Variants in CNBD1 observed in about 807,000 individuals in gnomAD.
CNBD1 encodes cyclic nucleotide-binding domain-containing protein 1.
In CNBD1, 71 loss-of-function variants were observed where a neutral mutation model predicts 54.4. The observed-to-expected ratio is 1.30, with a 90% CI of 1.08 to 1.59. The LOEUF is 1.59. Ranked by LOEUF, CNBD1 falls within the 40% of genes most tolerant of loss-of-function variation. The pLI, the probability that CNBD1 is intolerant of heterozygous loss-of-function variation, is 0.00. For missense variants in CNBD1, 659 were observed against 518.0 expected, an observed-to-expected ratio of 1.27 and a Z score of -2.64; for synonymous variants, 182 against 170.7, an observed-to-expected ratio of 1.07 and a Z score of -0.51.
chr8:87,328,522 A>G (rs769514249), intron 8 of CNBD1, among the ~76,000 whole-genome samples: 7 of 151,746 alleles, frequency 4.6e-5, no homozygotes, highest in South Asian at 2.1e-4. Context: ...TAGTTCTCCA[A>G]TATGTTTTGA....
intron 4 of CNBD1, among the ~76,000 whole-genome samples, chr8:87,050,524 C>T (rs1810289969): frequency 6.6e-6 from 1 of 152,188 alleles, no homozygotes; most frequent in Admixed American, 6.5e-5. Context: ...CAAGTGAGGG[C>T]TGTCTCAGAA....
chr8:87,353,753 G>C lies in CNBD1; in HGVS notation c.1270G>C (p.Glu424Gln). ...CACAATCATTACCAAAAAAGAAGTT[G>C]AGATGGCAATCATTGAAGATAAGGA... ...TCTIITKKEV[E>Q]MAIIEDKDLF... The change falls in exon 10 of 11, where the codon GAG becomes CAG. Residue 424 changes from glutamate (E) to glutamine (Q), a missense_variant. Transcript: ENST00000518476. 6.2e-7 allele frequency: 1 copy of C among 1,610,420 alleles called. No homozygotes were observed. Among genetic ancestry groups the C allele is most frequent in the Non-Finnish European group, 8.5e-7 (1 of 1,178,344 alleles).
downstream of CNBD1, among the ~76,000 whole-genome samples, chr8:87,385,500 C>A (rs1811164515): frequency 6.6e-6 from 1 of 152,196 alleles, no homozygotes; most frequent in Non-Finnish European, 1.5e-5. Context: ...GGTCCTACGC[C>A]CACGGATCCT....
At chr8:87,143,099 G>C (rs16892261) in intron 4 of CNBD1, among the ~76,000 whole-genome samples, 1 of 151,990 alleles carries the variant, frequency 6.6e-6, no homozygotes, top group African/African-American at 2.4e-5. Context: ...CTTTTACTTG[G>C]CCTTTGCACC....
chr8:86,902,312 A>G (rs1808951145), intron 2 of CNBD1, among the ~76,000 whole-genome samples: 1 of 152,150 alleles, frequency 6.6e-6, no homozygotes, highest in Non-Finnish European at 1.5e-5. Context: ...GGGGAGCCAT[A>G]CAATCCATAG....
intron 8 of CNBD1, among the ~76,000 whole-genome samples, chr8:87,333,251 A>T (rs1043463895): frequency 4.6e-5 from 7 of 152,198 alleles, no homozygotes; most frequent in Admixed American, 1.3e-4. Flanking sequence ...GAAGTTGCTT[A>T]TCAGCTTAAG....
intron 6 of CNBD1, among the ~76,000 whole-genome samples, chr8:87,253,991 A>C (rs1356956404): frequency 2.0e-5 from 3 of 152,230 alleles, no homozygotes; most frequent in African/African-American, 4.8e-5. Flanking sequence ...AAATTAGAGG[A>C]GAGAAAAAGA....
intron 4 of CNBD1, among the ~76,000 whole-genome samples, chr8:86,973,374 G>C (rs1051713737): frequency 6.6e-6 from 1 of 152,140 alleles, no homozygotes; most frequent in Non-Finnish European, 1.5e-5. Flanking sequence ...TAGTAATGCA[G>C]TAATAATTTA....
chr8:87,298,524 G>T (rs183501910), intron 8 of CNBD1, among the ~76,000 whole-genome samples: 1 of 141,262 alleles, frequency 7.1e-6, no homozygotes, highest in East Asian at 2.0e-4. Flanking sequence ...TCTCACTGTC[G>T]CCCAGGCTGG....
intron 4 of CNBD1, among the ~76,000 whole-genome samples, chr8:87,094,645 A>C (rs985343273): frequency 4.6e-5 from 7 of 152,184 alleles, no homozygotes; most frequent in African/African-American, 1.7e-4. Context: ...TTGCTCCTGT[A>C]AACTTTGTGG....
At chr8:87,283,777 A>G (rs951055652) in intron 6 of CNBD1, among the ~76,000 whole-genome samples, 29 of 152,106 alleles carry the variant, frequency 1.9e-4, no homozygotes, top group Non-Finnish European at 2.8e-4. Context: ...CTCACCTTGC[A>G]TGGCTCTGAG....
chr8:87,382,927 A>C, downstream of CNBD1: 1 of 248,226 alleles, frequency 4.0e-6, no homozygotes, highest in Non-Finnish European at 7.7e-6. Flanking sequence ...TAAAAAATTA[A>C]AAGTTATATG....
At chr8:87,049,638 A>G (rs963551748) in intron 4 of CNBD1, among the ~76,000 whole-genome samples, 3 of 152,152 alleles carry the variant, frequency 2.0e-5, no homozygotes, top group Non-Finnish European at 4.4e-5. Context: ...TTGTACTACT[A>G]TCTGTTCACA....
chr8:86,982,928 T>C (rs77824639), intron 4 of CNBD1, among the ~76,000 whole-genome samples: 1 of 152,200 alleles, frequency 6.6e-6, no homozygotes, highest in East Asian at 1.9e-4. Context: ...TCTCCACTTA[T>C]TTAGATATTA....
chr8:87,076,030 G>T (rs116422592), intron 4 of CNBD1, among the ~76,000 whole-genome samples: 5,130 of 152,170 alleles, frequency 0.034, 312 homozygotes, highest in African/African-American at 0.12. Flanking sequence ...TACACTAGTG[G>T]TGTAAATCAG....
chr8:87,060,358 T>C (rs1215197578), intron 4 of CNBD1, among the ~76,000 whole-genome samples: 3 of 152,328 alleles, frequency 2.0e-5, no homozygotes, highest in South Asian at 2.1e-4. Flanking sequence ...TAAAGTCCTA[T>C]ATTACAGCAA....
chr8:87,385,427 C>T (rs556113139), downstream of CNBD1, among the ~76,000 whole-genome samples: 30 of 152,016 alleles, frequency 2.0e-4, no homozygotes, highest in Middle Eastern at 3.4e-3. Flanking sequence ...CCTAATACTG[C>T]GCTTTTCCAA....
At chr8:87,399,098 A>T (rs2130975788) in intron 2 of CNBD1, among the ~76,000 whole-genome samples, 1 of 152,200 alleles carries the variant, frequency 6.6e-6, no homozygotes, top group East Asian at 1.9e-4. Flanking sequence ...ATAATGGAAC[A>T]GTATATTTCT....
At chr8:87,071,108 G>A (rs1810751663) in intron 4 of CNBD1, among the ~76,000 whole-genome samples, 1 of 151,938 alleles carries the variant, frequency 6.6e-6, no homozygotes, top group Non-Finnish European at 1.5e-5. Flanking sequence ...CTTTTCTGTG[G>A]TGGTTTTTGA....
Sources: allele counts gnomAD v4.1 joint callset (sites outside exome capture counted in the v4.1 genomes callset), GRCh38; gene constraint gnomAD v4.1.1; transcripts MANE v1.5; gene names NCBI Gene and HGNC (gene_info 2026-07-23, HGNC 2026-07-21).